Variants in SUSD6 observed in about 807,000 individuals in gnomAD.
SUSD6 encodes sushi domain containing 6, also known as sushi domain-containing protein 6.
In SUSD6, 16 loss-of-function variants were observed where a neutral mutation model predicts 28.4. The ratio of observed to expected loss-of-function variants is 0.56; its 90% CI spans 0.38 to 0.86. The LOEUF is 0.86. Among genes scored for constraint, SUSD6 ranks in the 40% least tolerant of loss-of-function variants. The pLI, the probability that SUSD6 is intolerant of heterozygous loss-of-function variation, is 0.00. For synonymous variants in SUSD6, 147 were observed against 159.6 expected, an observed-to-expected ratio of 0.92 and a Z score of 0.59; for missense variants, 341 against 384.2, an observed-to-expected ratio of 0.89 and a Z score of 0.94.
chr14:69,681,376 CTT>C (rs1396509199), intron 2 of SUSD6, among the ~76,000 whole-genome samples: 5 of 152,160 alleles, frequency 3.3e-5, no homozygotes, highest in African/African-American at 1.2e-4. Context: ...AAAAATAAAA[CTT>C]TATAAACCCT....
chr14:69,622,670 T>G (rs1333931094), intron 1 of SUSD6, among the ~76,000 whole-genome samples: 1 of 152,160 alleles, frequency 6.6e-6, no homozygotes, highest in Non-Finnish European at 1.5e-5. Context: ...CTCGGCTCAC[T>G]GCAACCTCTG....
At chr14:69,630,308 A>C (rs1347196242) in intron 1 of SUSD6, among the ~76,000 whole-genome samples, 1 of 152,214 alleles carries the variant, frequency 6.6e-6, no homozygotes, top group Non-Finnish European at 1.5e-5. Flanking sequence ...GTCAGGGAGT[A>C]GAGGTGGTCT....
chr14:69,657,717 T>A (rs2139614174), intron 1 of SUSD6, among the ~76,000 whole-genome samples: 1 of 152,340 alleles, frequency 6.6e-6, no homozygotes, highest in Non-Finnish European at 1.5e-5. Flanking sequence ...TAATGTATCG[T>A]CAACCCATTT....
rs1885645523 is a variant in SUSD6 at position 69,660,417 on chromosome 14, C to T, written c.121+1704C>T. On this transcript the variant is annotated intron_variant, in intron 2 of 5. Transcript: ENST00000342745. The stretch of plus-strand genomic sequence containing the variant: ...TAGGCATGAGGAGCCCCTGGCACAG[C>T]CCAGGGGGCCATGATGATTGGGACC... Among the ~76,000 whole-genome samples, 6 of 152,248 alleles carry T rather than the reference C, an allele frequency of 3.9e-5. No homozygotes were observed. The South Asian group carries it at 1.2e-3, about 31-fold the overall frequency.
chr14:69,687,362 C>T (rs182842008), intron 2 of SUSD6, among the ~76,000 whole-genome samples: 163 of 152,162 alleles, frequency 1.1e-3, no homozygotes, highest in African/African-American at 3.7e-3. Flanking sequence ...CTGCCTGCCT[C>T]GGCCTCCCAA....
At chr14:69,682,911 G>A (rs1057495524) in intron 2 of SUSD6, among the ~76,000 whole-genome samples, 3 of 148,190 alleles carry the variant, frequency 2.0e-5, no homozygotes, top group African/African-American at 7.5e-5. Context: ...CTTTCTGTCT[G>A]CCCTGGCAGG....
intron 1 of SUSD6, among the ~76,000 whole-genome samples, chr14:69,643,837 A>T (rs1348053051): frequency 6.6e-6 from 1 of 152,264 alleles, no homozygotes; most frequent in Non-Finnish European, 1.5e-5. Flanking sequence ...ACAGAGGCTC[A>T]CAACAGTAAA....
chr14:69,614,874 G>A (rs1459395104), intron 1 of SUSD6, among the ~76,000 whole-genome samples: 2 of 152,198 alleles, frequency 1.3e-5, no homozygotes, highest in African/African-American at 4.8e-5. Context: ...ACACTTGCAG[G>A]CCCGAATGTC....
intron 1 of SUSD6, among the ~76,000 whole-genome samples, chr14:69,626,829 C>T (rs998406785): frequency 2.4e-4 from 37 of 151,540 alleles, no homozygotes; most frequent in Admixed American, 6.6e-5. Flanking sequence ...ATTACAGGCA[C>T]GCATCACTAT....
intron 1 of SUSD6, among the ~76,000 whole-genome samples, chr14:69,612,748 G>A (rs3825736): frequency 0.045 from 6,878 of 152,280 alleles, 210 homozygotes; most frequent in East Asian, 0.15. Flanking sequence ...TGTTGCTCTC[G>A]CTAACTGGGC....
chr14:69,622,368 A>G (rs1021548773), intron 1 of SUSD6, among the ~76,000 whole-genome samples: 1 of 151,968 alleles, frequency 6.6e-6, no homozygotes, highest in East Asian at 1.9e-4. Flanking sequence ...GGGTTTTGCC[A>G]TGTTGCCCAG....
intron 2 of SUSD6, 84 bp downstream of exon 2, chr14:69,658,797 C>T: frequency 1.3e-6 from 2 of 1,576,886 alleles, no homozygotes; most frequent in East Asian, 2.3e-5. Context: ...AGGGGACTCT[C>T]CTCCTGGCAG....
rs147753957 is a variant in SUSD6 at position 69,683,686 on chromosome 14, C to T, written c.122-19709C>T. 7.2e-4 allele frequency among the ~76,000 whole-genome samples: 110 copies of T among 152,268 alleles called. 1 individual carries two copies. In the South Asian group the frequency reaches 0.015, roughly 21 times the overall value. On this transcript the variant is annotated intron_variant, in intron 2 of 5. Transcript: ENST00000342745. ...AATGGAACAAGCCAAAGTGTGGAGA[C>T]ATGCATAGCCAGCAGAAGCATTTAG...
intron 1 of SUSD6, among the ~76,000 whole-genome samples, chr14:69,635,553 G>A (rs1885251553): frequency 1.3e-5 from 2 of 151,564 alleles, no homozygotes; most frequent in Non-Finnish European, 2.9e-5. Context: ...GGGTGGAAGA[G>A]AAGGAAGTCA....
At chr14:69,689,403 T>C (rs1001272541) in intron 2 of SUSD6, among the ~76,000 whole-genome samples, 6 of 152,138 alleles carry the variant, frequency 3.9e-5, no homozygotes, top group Admixed American at 3.3e-4. Flanking sequence ...AAAAAAAGAA[T>C]GAATGGGTAA....
chr14:69,676,377 TC>T (rs1384224386), intron 2 of SUSD6, among the ~76,000 whole-genome samples: 4 of 150,706 alleles, frequency 2.7e-5, no homozygotes, highest in Admixed American at 1.3e-4. Flanking sequence ...CTGTGCTTTT[TC>T]TTTTTTTTTT....
At chr14:69,697,528 T>G (rs1273249792) in intron 2 of SUSD6, among the ~76,000 whole-genome samples, 2 of 152,234 alleles carry the variant, frequency 1.3e-5, no homozygotes, top group East Asian at 3.8e-4. Flanking sequence ...TGAGATGTAA[T>G]CAGTCAACAT....
intron 1 of SUSD6, among the ~76,000 whole-genome samples, chr14:69,642,745 G>C (rs991012067): frequency 6.6e-5 from 10 of 151,302 alleles, no homozygotes; most frequent in Admixed American, 2.0e-4. Flanking sequence ...AACCATATCA[G>C]AGCATGAACT....
intron 2 of SUSD6, among the ~76,000 whole-genome samples, chr14:69,681,438 G>A (rs1885995827): frequency 1.3e-5 from 2 of 152,164 alleles, no homozygotes; most frequent in Non-Finnish European, 2.9e-5. Flanking sequence ...TTTTCTGAAA[G>A]AGCTTTATAG....
Sources: allele counts gnomAD v4.1 joint callset (sites outside exome capture counted in the v4.1 genomes callset), GRCh38; gene constraint gnomAD v4.1.1; transcripts MANE v1.5; gene names NCBI Gene and HGNC (gene_info 2026-07-23, HGNC 2026-07-21).